The following SOX30 variants were observed in gnomAD, a reference collection of about 807,000 sequenced individuals.
The protein encoded by SOX30 is transcription factor SOX-30.
Under a neutral mutation model 58.6 loss-of-function variants are expected in SOX30, and 17 were observed. That is an observed-to-expected ratio of 0.29 (90% CI 0.20 to 0.44). SOX30 has a LOEUF of 0.44. SOX30 is among the 20% of genes least tolerant of loss of function. The pLI is 1.00. For synonymous variants in SOX30, 421 were observed against 400.2 expected (o/e 1.05, Z -0.62); for missense variants, 951 against 965.8 (o/e 0.98, Z 0.20).
upstream of SOX30, among the ~76,000 whole-genome samples, chr5:157,653,674 T>C (rs77159740): frequency 5.6e-3 from 850 of 152,306 alleles, 1 homozygote; most frequent in Non-Finnish European, 6.8e-3. Flanking sequence ...TAAATGACAT[T>C]CTGGCCAAAA....
rs1239667499 is a variant in SOX30 at position 157,646,622 on chromosome 5, A to G, written c.1387+15T>C. ...GCTATTTAAAAAATAGTAATCTACA[A>G]TAAAACTAACTCACCAACTGGATGA... is the stretch of plus-strand genomic sequence containing the variant. On this transcript the variant is annotated intron_variant, in intron 3 of 4. Coordinates refer to ENST00000265007, the MANE Select transcript of SOX30 (RefSeq NM_178424.2). 1 of 1,579,230 alleles carries G rather than the reference A, an allele frequency of 6.3e-7. No individual in the cohort carries two copies. Among genetic ancestry groups the G allele is most frequent in the Admixed American group, 1.9e-5 (1 of 52,192 alleles).
intron 2 of SOX30, among the ~76,000 whole-genome samples, chr5:157,647,900 C>G (rs1759234158): frequency 1.3e-5 from 2 of 152,014 alleles, no homozygotes; most frequent in Non-Finnish European, 2.9e-5. Flanking sequence ...AAGAGTCACT[C>G]TCCTAAACTC....
rs762888516 is a variant in SOX30 at position 157,638,326 on chromosome 5, G to A, written c.1784C>T (p.Pro595Leu). Residue 595 changes from proline to leucine, a missense_variant, in exon 4 of 5, where the codon CCT becomes CTT. Coordinates refer to ENST00000265007, the MANE Select transcript of SOX30 (RefSeq NM_178424.2). ...CAGTGTGGCTGGATGGCCAAGGGGA[G>A]GGGGCTGGTAGACATGTGGGTGTGG... The part of the protein sequence containing the change: ...PIPHPHVYQP[P>L]PLGHPATLFG... 6 of 1,611,876 alleles carry A rather than the reference G, an allele frequency of 3.7e-6. No homozygotes were observed. Among genetic ancestry groups the A allele is most frequent in the Non-Finnish European group, 5.1e-6 (6 of 1,178,660 alleles).
At chr5:157,667,958 C>A in intron 1 of SOX30, 3 of 1,263,320 alleles carry the variant, frequency 2.4e-6, no homozygotes, top group Middle Eastern at 1.9e-4. Flanking sequence ...TCAGGCATCA[C>A]GCCTATCTTA....
At chr5:157,645,045 G>A (rs773882235) in intron 3 of SOX30, among the ~76,000 whole-genome samples, 1 of 152,118 alleles carries the variant, frequency 6.6e-6, no homozygotes, top group Non-Finnish European at 1.5e-5. Context: ...TTAAGCCTGG[G>A]TTGAAATACA....
Position 157,626,662 on chromosome 5 carries a change from T to C in SOX30, c.1940A>G (p.Glu647Gly). 6.2e-7 allele frequency: 1 copy of C among 1,613,766 alleles called. No homozygotes were observed. Among genetic ancestry groups the C allele is most frequent in the Non-Finnish European group, 8.5e-7 (1 of 1,179,942 alleles). The change falls in exon 5 of 5, where the codon GAA (glutamate) becomes GGA (glycine). Residue 647 changes from glutamate to glycine, a missense_variant. By Grantham distance (98) the Glu-to-Gly change is moderately conservative. This residue lies in a region of SOX30 where 381 missense variants were observed against 390.0 expected (regional missense o/e 0.98). Coordinates refer to ENST00000265007, the MANE Select transcript of SOX30 (RefSeq NM_178424.2). The stretch of plus-strand genomic sequence containing the variant: ...CCTGTCTTCATAATAACTAAGGCAT[T>C]CTGGCATTGAACTCGGAAAATTTCC... The part of the protein sequence containing the change: ...GYGNFPSSMP[E>G]CLSYYEDRYP...
intron 3 of SOX30, among the ~76,000 whole-genome samples, chr5:157,640,494 T>A (rs1183781645): frequency 6.6e-6 from 1 of 152,044 alleles, no homozygotes; most frequent in East Asian, 1.9e-4. Context: ...TATTTTTCCA[T>A]ACATGCGCAC....
intron 1 of SOX30, among the ~76,000 whole-genome samples, chr5:157,650,612 T>C (rs1179299696): frequency 1.3e-5 from 2 of 152,246 alleles, no homozygotes; most frequent in Non-Finnish European, 2.9e-5. Flanking sequence ...AAATATTACA[T>C]TGAATCACGT....
In SOX30 at chr5:157,651,378, C is replaced by T; in HGVS notation, c.701G>A (p.Gly234Asp). Residue 234 changes from glycine to aspartate, a missense_variant, in exon 1 of 5, where the codon GGC (glycine) becomes GAC (aspartate). Gly to Asp is a moderately conservative substitution (Grantham distance 94). This residue lies in a region of SOX30 where 84 missense variants were observed against 68.2 expected (regional missense o/e 1.23). Transcript: ENST00000265007. ...CRLGAEPASN[G>D]LVHGSAEVIL... is the part of the protein sequence containing the mutation. Reference sequence around the variant, plus strand: ...GACCTCCGCGCTGCCATGAACCAGGCCATTGGACGCGGGCTCCGCGCCGAG... The same window carrying T: ...GACCTCCGCGCTGCCATGAACCAGGTCATTGGACGCGGGCTCCGCGCCGAG... 6.2e-7 allele frequency: 1 copy of T among 1,613,684 alleles called. No individual in the cohort carries two copies. Among genetic ancestry groups the T allele is most frequent in the Non-Finnish European group, 8.5e-7 (1 of 1,180,040 alleles).
intron 3 of SOX30, among the ~76,000 whole-genome samples, chr5:157,639,027 C>T (rs1260375637): frequency 1.3e-5 from 2 of 152,118 alleles, no homozygotes; most frequent in African/African-American, 4.8e-5. Context: ...CTGTCTGGGG[C>T]AGAAGAGGCC....
intron 2 of SOX30, 40 bp downstream of exon 2, chr5:157,648,617 T>G: frequency 6.3e-7 from 1 of 1,576,776 alleles, no homozygotes; most frequent in Non-Finnish European, 8.6e-7. Flanking sequence ...CTAAATAAAT[T>G]CATTTAAAAG....
At chr5:157,646,375 G>A (rs1759194072) in intron 3 of SOX30, among the ~76,000 whole-genome samples, 1 of 152,026 alleles carries the variant, frequency 6.6e-6, no homozygotes, top group South Asian at 2.1e-4. Context: ...TGCATTATCT[G>A]CCTAATCTAT....
chr5:157,665,304 T>C (rs1005570155), intron 2 of SOX30, among the ~76,000 whole-genome samples: 16 of 152,260 alleles, frequency 1.1e-4, no homozygotes, highest in African/African-American at 3.4e-4. Context: ...TGTAGGGACA[T>C]GGATGAAGCT....
intron 4 of SOX30, among the ~76,000 whole-genome samples, chr5:157,632,496 C>T (rs1324895842): frequency 6.6e-6 from 1 of 152,154 alleles, no homozygotes; most frequent in African/African-American, 2.4e-5. Context: ...CACCTGTAAT[C>T]CCAGCTACTC....
rs180956404 is a variant in SOX30, at chr5:157,641,608, A to G, written c.1388-2886T>C. ...AACCTGGGTGACAGAGCAAGACTCT[A>G]TCTCAAAAAATAATAATAATACCAG... On this transcript the variant is annotated intron_variant, in intron 3 of 4. Coordinates refer to ENST00000265007, the MANE Select transcript of SOX30 (RefSeq NM_178424.2). Among the ~76,000 whole-genome samples, 247 of 152,210 alleles carry G rather than the reference A, an allele frequency of 1.6e-3. 3 individuals are homozygous for G. Among genetic ancestry groups the G allele is most frequent in the African/African-American group, 5.6e-3 (233 of 41,534 alleles).
chr5:157,631,054 T>C (rs1758790515), intron 4 of SOX30, among the ~76,000 whole-genome samples: 1 of 43,128 alleles, frequency 2.3e-5, no homozygotes, highest in African/African-American at 7.2e-5. Flanking sequence ...ATTTTATATA[T>C]ATATATATAT....
intron 4 of SOX30, among the ~76,000 whole-genome samples, chr5:157,630,838 T>TA (rs1561578262): frequency 7.4e-6 from 1 of 136,016 alleles, no homozygotes; most frequent in Non-Finnish European, 1.5e-5. Flanking sequence ...TTTATATATA[T>TA]ACATTATATA....
At position 157,638,575 on chromosome 5, in the gene SOX30, C is replaced by T. The variant is rs370510848; in HGVS notation, c.1535G>A (p.Arg512His). ...LPVYPALPPQ[R>H]FTGPSQTDTH... ...GTCTGTTTGGGAAGGCCCAGTAAAG[C>T]GTTGGGGTGGGAGTGCTGGATAGAC... is the stretch of plus-strand genomic sequence containing the variant. Residue 512 changes from arginine to histidine, a missense_variant, in exon 4 of 5, where the codon CGC becomes CAC. By Grantham distance (29) the Arg-to-His change is conservative. This residue lies in a region of SOX30 where 381 missense variants were observed against 390.0 expected (regional missense o/e 0.98). Transcript: ENST00000265007. The T allele has an allele frequency of 1.7e-5, 27 of 1,613,928 alleles. No individual in the cohort carries two copies. Among genetic ancestry groups the T allele is most frequent in the African/African-American group, 2.7e-5 (2 of 74,864 alleles).
In SOX30 at chr5:157,626,273, T is replaced by C. The variant is rs2113828374; in HGVS notation, c.*67A>G. Reference sequence around the variant, plus strand: ...ACAAAGAATTCTAGGCTTTTTTTTTTCTCATACCAACTGACCCAGAATATA... The same window carrying C: ...ACAAAGAATTCTAGGCTTTTTTTTTCCTCATACCAACTGACCCAGAATATA... On this transcript the variant is annotated 3_prime_UTR_variant, in exon 5 of 5. Coordinates refer to ENST00000265007, the MANE Select transcript of SOX30 (RefSeq NM_178424.2). The C allele has an allele frequency of 1.5e-6, 2 of 1,351,296 alleles. No homozygotes were observed. Among genetic ancestry groups the C allele is most frequent in the Non-Finnish European group, 2.0e-6 (2 of 1,007,178 alleles). 83.7% of individuals were successfully genotyped at this position (1,351,296 alleles called of 1,614,324 possible).
Sources: allele counts gnomAD v4.1 joint callset (sites outside exome capture counted in the v4.1 genomes callset), GRCh38; gene constraint gnomAD v4.1.1; regional missense constraint gnomAD v4.1.1; transcripts MANE v1.5; gene names NCBI Gene and HGNC (gene_info 2026-07-23, HGNC 2026-07-21).